The following SDCCAG8 variants were observed in gnomAD, a reference collection of about 807,000 sequenced individuals.
SDCCAG8 encodes the protein SHH signaling and ciliogenesis regulator SDCCAG8.
SDCCAG8 carries 74 observed loss-of-function variants against 101.8 expected under a neutral mutation model. That is an observed-to-expected ratio of 0.73 (90% confidence interval 0.60 to 0.88). The LOEUF (loss-of-function observed/expected upper bound fraction) is 0.88, where lower values mean the gene tolerates loss of function less well. Among genes scored for constraint, SDCCAG8 ranks in the 40% least tolerant of loss-of-function variants. The probability of loss-of-function intolerance (pLI) is 0.00; values close to 1 mark genes in which losing one functional copy is unlikely to be tolerated. For missense variants in SDCCAG8, 787 were observed against 822.6 expected (o/e 0.96, Z 0.53); for synonymous variants, 281 against 292.9 (o/e 0.96, Z 0.41).
chr1:243,285,498 A>T (rs2069523606), intron 4 of SDCCAG8, among the ~76,000 whole-genome samples: 1 of 152,158 alleles, frequency 6.6e-6, no homozygotes, highest in South Asian at 2.1e-4. Context: ...GCTTTTTATT[A>T]TAGCTTTGGG....
chr1:243,263,737 A>T (rs1033958633), intron 1 of SDCCAG8, among the ~76,000 whole-genome samples: 1 of 152,164 alleles, frequency 6.6e-6, no homozygotes, highest in African/African-American at 2.4e-5. Flanking sequence ...CAGTTATTAG[A>T]GTCTTAGGAT....
intron 16 of SDCCAG8, among the ~76,000 whole-genome samples, chr1:243,480,406 TG>T (rs1385434324): frequency 8.3e-3 from 23 of 2,764 alleles, no homozygotes; most frequent in Non-Finnish European, 0.012. Flanking sequence ...GTGGGATGGA[TG>T]GGTGGGTGGG....
At chr1:243,385,263 G>C (rs1001043440) in intron 13 of SDCCAG8, among the ~76,000 whole-genome samples, 2 of 151,934 alleles carry the variant, frequency 1.3e-5, no homozygotes, top group South Asian at 2.1e-4. Context: ...GGTGGTGCGC[G>C]CCTATAGTCC....
intron 6 of SDCCAG8, among the ~76,000 whole-genome samples, chr1:243,302,376 T>A (rs1315847978): frequency 2.6e-5 from 4 of 152,254 alleles, no homozygotes; most frequent in African/African-American, 9.6e-5. Context: ...CATTTATTAG[T>A]AAGGAAGAGA....
intron 10 of SDCCAG8, among the ~76,000 whole-genome samples, chr1:243,335,684 A>G (rs2074951557): frequency 6.6e-6 from 1 of 152,122 alleles, no homozygotes; most frequent in South Asian, 2.1e-4. Context: ...CAGGTTTTTT[A>G]CTTGTGTATA....
At chr1:243,317,241 A>T (rs1267029783) in intron 9 of SDCCAG8, among the ~76,000 whole-genome samples, 1 of 152,096 alleles carries the variant, frequency 6.6e-6, no homozygotes, top group Non-Finnish European at 1.5e-5. Context: ...CTAAAGACAA[A>T]TGTTTTTCCT....
rs779296720 is a variant in SDCCAG8, at chr1:243,286,408, T to C, written c.546+11T>C. ...CTTCTGGATGCATCCGTGAGCATTA[T>C]TTTAAATCATAAATTTTATTTTAGT... On this transcript the variant is annotated intron_variant, in intron 5 of 17. Coordinates refer to ENST00000366541, the MANE Select transcript of SDCCAG8 (RefSeq NM_006642.5). The C allele has an allele frequency of 3.1e-6, 5 of 1,613,542 alleles. No individual in the cohort carries two copies. The highest frequency in any genetic ancestry group is 4.2e-6 in the Non-Finnish European group (5 of 1,179,588).
In SDCCAG8 at chr1:243,330,537, C is replaced by A; in HGVS notation, c.1069-3C>A. The stretch of plus-strand genomic sequence containing the variant: ...CCTCTTTCAATCTGTTCTATCCTGG[C>A]AGGCTTTAATCCAGTGTGACCAGTT... On this transcript the variant is annotated splice_region_variant and splice_polypyrimidine_tract_variant and intron_variant, in intron 9 of 17. Coordinates refer to ENST00000366541, the MANE Select transcript of SDCCAG8 (RefSeq NM_006642.5). The A allele has an allele frequency of 8.7e-6, 14 of 1,613,988 alleles. No homozygotes were observed. Among genetic ancestry groups the A allele is most frequent in the Non-Finnish European group, 1.2e-5 (14 of 1,179,952 alleles).
At chr1:243,329,939 GT>G (rs2074468662) in intron 9 of SDCCAG8, among the ~76,000 whole-genome samples, 1 of 152,126 alleles carries the variant, frequency 6.6e-6, no homozygotes, top group South Asian at 2.1e-4. Context: ...ACTGTCTTGA[GT>G]CTTTCCATTT....
chr1:243,324,670 G>A (rs1161852285), intron 9 of SDCCAG8, among the ~76,000 whole-genome samples: 1 of 151,840 alleles, frequency 6.6e-6, no homozygotes, highest in Non-Finnish European at 1.5e-5. Context: ...AATTACAATA[G>A]CTTTCTAATT....
At chr1:243,398,825 T>G (rs568635499) in intron 13 of SDCCAG8, among the ~76,000 whole-genome samples, 49 of 152,372 alleles carry the variant, frequency 3.2e-4, no homozygotes, top group Admixed American at 3.1e-3. Context: ...TATGTAAATT[T>G]AGTTGTACCT....
intron 16 of SDCCAG8, among the ~76,000 whole-genome samples, chr1:243,468,185 A>T (rs1212306085): frequency 6.6e-6 from 1 of 151,890 alleles, no homozygotes; most frequent in Non-Finnish European, 1.5e-5. Flanking sequence ...CCATAAAATG[A>T]GGATCATAAT....
chr1:243,355,328 C>G (rs1167493083), intron 12 of SDCCAG8, among the ~76,000 whole-genome samples: 1 of 152,068 alleles, frequency 6.6e-6, no homozygotes, highest in African/African-American at 2.4e-5. Context: ...CTCTCTCTCT[C>G]TCTCTCTCTC....
rs2072847690 is a variant in SDCCAG8 at position 243,312,658 on chromosome 1, A to T, written c.930-4097A>T. Among the ~76,000 whole-genome samples, 2 of 148,612 alleles carry T rather than the reference A, an allele frequency of 1.3e-5. 1 individual carries two copies. Among genetic ancestry groups the T allele is most frequent in the South Asian group, 4.3e-4 (2 of 4,658 alleles). On this transcript the variant is annotated intron_variant, in intron 8 of 17. Transcript: ENST00000366541. Reference sequence around the variant, plus strand: ...GAGGCGGAGGTTGCAGTGAGCCAAGATTGCGCCACTGCACTTCAGCCTGGG... The same window carrying T: ...GAGGCGGAGGTTGCAGTGAGCCAAGTTTGCGCCACTGCACTTCAGCCTGGG...
At chr1:243,307,810 T>G in intron 7 of SDCCAG8, 179 bp from the exon 8 acceptor site, 2 of 1,456,870 alleles carry the variant, frequency 1.4e-6, no homozygotes, top group Non-Finnish European at 1.8e-6. Flanking sequence ...AACGTGTCAA[T>G]TAGAATCACC....
At chr1:243,309,190 T>C (rs1307451611) in intron 8 of SDCCAG8, among the ~76,000 whole-genome samples, 2 of 152,212 alleles carry the variant, frequency 1.3e-5, no homozygotes, top group East Asian at 3.9e-4. Flanking sequence ...TGACCAGAAG[T>C]ACTGCTTTTG....
chr1:243,373,668 A>G (rs2077432601), intron 12 of SDCCAG8, among the ~76,000 whole-genome samples: 1 of 152,104 alleles, frequency 6.6e-6, no homozygotes, highest in African/African-American at 2.4e-5. Context: ...AAATCTATTT[A>G]TGATTTTTGC....
At chr1:243,295,469 C>G (rs1162859890) in intron 6 of SDCCAG8, among the ~76,000 whole-genome samples, 7 of 152,176 alleles carry the variant, frequency 4.6e-5, no homozygotes, top group African/African-American at 1.7e-4. Flanking sequence ...AACTCCTGAC[C>G]TCGTAATCCA....
At chr1:243,256,474 A>C (rs1471490165) in intron 1 of SDCCAG8, among the ~76,000 whole-genome samples, 1 of 152,260 alleles carries the variant, frequency 6.6e-6, no homozygotes, top group East Asian at 1.9e-4. Context: ...CTTGATCTTA[A>C]CTTGGCATCT....
Sources: gnomAD v4.1 joint callset for allele counts (sites outside exome capture counted in the v4.1 genomes callset) on GRCh38, gnomAD v4.1.1 for gene constraint, MANE v1.5 for transcripts, NCBI Gene and HGNC (gene_info 2026-07-23, HGNC 2026-07-21) for gene names.